Variants in KIAA0232 observed in about 807,000 individuals in gnomAD.
KIAA0232 encodes the protein KIAA0232.
KIAA0232 carries 27 observed loss-of-function variants against 122.0 expected under a neutral mutation model. The observed-to-expected ratio is 0.22, with a 90% CI of 0.16 to 0.31. KIAA0232 has a LOEUF of 0.31. Among genes scored for constraint, KIAA0232 ranks in the 10% least tolerant of loss-of-function variants. The pLI is 1.00. For missense variants in KIAA0232, 1,551 were observed against 1,634.2 expected (o/e 0.95, Z 0.88); for synonymous variants, 613 against 587.6 (o/e 1.04, Z -0.63).
At chr4:6,847,575 T>C (rs1720032457) in intron 4 of KIAA0232, among the ~76,000 whole-genome samples, 1 of 152,216 alleles carries the variant, frequency 6.6e-6, no homozygotes, top group Non-Finnish European at 1.5e-5. Context: ...TATTGGTTTT[T>C]AGGTCCCAGC....
At chr4:6,857,791 C>G (rs188232372) in intron 5 of KIAA0232, among the ~76,000 whole-genome samples, 139 of 152,196 alleles carry the variant, frequency 9.1e-4, no homozygotes, top group Non-Finnish European at 1.6e-3. Flanking sequence ...GTTTGCAATC[C>G]CTAAGAACGA....
intron 1 of KIAA0232, among the ~76,000 whole-genome samples, chr4:6,784,008 A>G (rs1716492896): frequency 6.6e-6 from 1 of 152,166 alleles, no homozygotes; most frequent in Non-Finnish European, 1.5e-5. Context: ...AACTCTTGGT[A>G]CAGACCCCTA....
chr4:6,879,498 C>T (rs1721939106), intron 9 of KIAA0232, among the ~76,000 whole-genome samples: 1 of 152,200 alleles, frequency 6.6e-6, no homozygotes, highest in Admixed American at 6.5e-5. Context: ...CTGCCTTTGA[C>T]CTCATCTGTC....
chr4:6,791,738 G>A (rs1430300442), intron 1 of KIAA0232, among the ~76,000 whole-genome samples: 1 of 152,102 alleles, frequency 6.6e-6, no homozygotes, highest in Non-Finnish European at 1.5e-5. Flanking sequence ...ATGGAATCAT[G>A]GTAAAGAGTG....
At position 6,884,010 on chromosome 4, in the gene KIAA0232, TTTAACA is replaced by T. The variant is rs1362000545; in HGVS notation, c.*3045_*3050del. 1 of 152,226 alleles carries T rather than the reference TTTAACA, an allele frequency of 6.6e-6. No homozygotes were observed. Among genetic ancestry groups the T allele is most frequent in the Non-Finnish European group, 1.5e-5 (1 of 68,042 alleles). 9.4% of individuals were successfully genotyped at this position (152,226 alleles called of 1,614,324 possible). A position where few individuals can be genotyped will look rare whatever the true frequency, so the allele number is the denominator to read the frequency against. ...TATTTTTATAGCTGTATTATGTAGA[TTTAACA>T]GGTTCCTCATTGATAAAACAATGTT... is the stretch of plus-strand genomic sequence containing the variant. On this transcript the variant is annotated 3_prime_UTR_variant, in exon 10 of 10. Coordinates refer to ENST00000307659, the MANE Select transcript of KIAA0232 (RefSeq NM_014743.3).
At chr4:6,799,494 G>A (rs1185220817) in intron 1 of KIAA0232, among the ~76,000 whole-genome samples, 1 of 151,692 alleles carries the variant, frequency 6.6e-6, no homozygotes, top group Non-Finnish European at 1.5e-5. Context: ...TTACATTAAA[G>A]CTAGGTCTGT....
rs1016643266 is a variant in KIAA0232, at chr4:6,883,271, C to T, written c.*2305C>T. ...ATTCCTGGGCTGAGATTGTTTTTCCCGTGGTTGTATTGTTCTGATTTCACG... is the reference window on the plus strand; with the variant it reads ...ATTCCTGGGCTGAGATTGTTTTTCCTGTGGTTGTATTGTTCTGATTTCACG... On this transcript the variant is annotated 3_prime_UTR_variant, in exon 10 of 10. Transcript: ENST00000307659. 1 of 152,588 alleles carries T rather than the reference C, an allele frequency of 6.6e-6. No homozygotes were observed. The highest frequency in any genetic ancestry group is 1.5e-5 in the Non-Finnish European group (1 of 68,026). 9.5% of individuals were successfully genotyped at this position (152,588 alleles called of 1,614,324 possible).
At chr4:6,803,692 A>G (rs1577359929) in intron 1 of KIAA0232, among the ~76,000 whole-genome samples, 1 of 152,222 alleles carries the variant, frequency 6.6e-6, no homozygotes, top group African/African-American at 2.4e-5. Context: ...CCAATTTTAT[A>G]TTTGACATGA....
rs1211269134 is a variant in KIAA0232, at chr4:6,824,653, A to G, written c.200A>G (p.His67Arg). The change falls in exon 3 of 10, where the codon CAT becomes CGT. Residue 67 changes from histidine to arginine, a missense_variant. Physicochemically the swap from His to Arg is conservative, Grantham distance 29 (BLOSUM62 0). Around this residue, in one of 5 missense-constraint regions of KIAA0232, gnomAD observed 26 missense variants for 52.2 expected, o/e 0.50. Coordinates refer to ENST00000307659, the MANE Select transcript of KIAA0232 (RefSeq NM_014743.3). Reference protein sequence around the residue: ...YTRYVLSLLLHDSYDYDLQEQ... With the variant: ...YTRYVLSLLLRDSYDYDLQEQ... ...CGGTATGTCCTCAGTCTTCTGCTGC[A>G]TGACAGCTATGACTACGACCTGCAG... 12 of 1,614,082 alleles carry G rather than the reference A, an allele frequency of 7.4e-6. No homozygotes were observed. The highest frequency in any genetic ancestry group is 1.0e-5 in the Non-Finnish European group (12 of 1,180,020).
intron 1 of KIAA0232, among the ~76,000 whole-genome samples, chr4:6,788,319 G>A (rs966999010): frequency 2.0e-5 from 3 of 152,138 alleles, no homozygotes; most frequent in Admixed American, 1.3e-4. Context: ...CGCCCAGCCT[G>A]CATCTCTTCT....
chr4:6,846,559 G>C (rs1470232433), intron 4 of KIAA0232, among the ~76,000 whole-genome samples: 1 of 151,802 alleles, frequency 6.6e-6, no homozygotes, highest in African/African-American at 2.4e-5. Flanking sequence ...CTACCTGCTT[G>C]GTCTGTGGAA....
chr4:6,857,792 C>T (rs1179912232), intron 5 of KIAA0232, among the ~76,000 whole-genome samples: 5 of 152,296 alleles, frequency 3.3e-5, no homozygotes, highest in Non-Finnish European at 7.3e-5. Flanking sequence ...TTTGCAATCC[C>T]TAAGAACGAG....
At position 6,862,808 on chromosome 4, in the gene KIAA0232, A is replaced by C. The variant is rs1207611147; in HGVS notation, c.2426A>C (p.Gln809Pro). The change falls in exon 7 of 10, where the codon CAA becomes CCA. Residue 809 changes from glutamine (Q) to proline (P), a missense_variant. Gln to Pro is a moderately conservative substitution (Grantham distance 76, BLOSUM62 -1). Transcript: ENST00000307659. ...KTENKNFETT[Q>P]VCNESPHGDG... ...GAAAACAAAAATTTTGAAACTACAC[A>C]AGTATGTAATGAAAGTCCACATGGA... The C allele has an allele frequency of 1.2e-6, 2 of 1,614,172 alleles. No homozygotes were observed. Among genetic ancestry groups the C allele is most frequent in the South Asian group, 2.2e-5 (2 of 91,074 alleles).
chr4:6,814,524 T>G (rs1434670352), intron 2 of KIAA0232, among the ~76,000 whole-genome samples: 1 of 152,168 alleles, frequency 6.6e-6, no homozygotes, highest in Admixed American at 6.5e-5. Context: ...AGTGTGGTAG[T>G]CTTTAACAAT....
intron 4 of KIAA0232, among the ~76,000 whole-genome samples, 160 bp from the exon 5 acceptor site, chr4:6,857,004 C>T (rs1720602594): frequency 6.6e-6 from 1 of 152,154 alleles, no homozygotes; most frequent in Non-Finnish European, 1.5e-5. Flanking sequence ...TATCTACAAA[C>T]CTATAATTTT....
intron 2 of KIAA0232, among the ~76,000 whole-genome samples, chr4:6,819,375 T>C (rs2109012400): frequency 6.6e-6 from 1 of 151,936 alleles, no homozygotes; most frequent in Middle Eastern, 3.4e-3. Context: ...ACAGGTCCAA[T>C]ATCCAGAATC....
intron 2 of KIAA0232, among the ~76,000 whole-genome samples, chr4:6,822,474 TATTAA>T (rs1203231990): frequency 2.0e-5 from 3 of 152,212 alleles, no homozygotes; most frequent in Admixed American, 1.3e-4. Context: ...TACTAACATT[TATTAA>T]CAATACTTTG....
intron 4 of KIAA0232, among the ~76,000 whole-genome samples, chr4:6,843,143 C>G (rs936025078): frequency 6.6e-6 from 1 of 152,096 alleles, no homozygotes; most frequent in Admixed American, 6.5e-5. Context: ...TAAAAAATAT[C>G]TTTTGCAGTT....
chr4:6,844,529 GGGTTCAAGCGATTCTC>G (rs1719852589), intron 4 of KIAA0232, among the ~76,000 whole-genome samples: 1 of 151,670 alleles, frequency 6.6e-6, no homozygotes, highest in African/African-American at 2.4e-5. Context: ...GCAACCTCCT[GGGTTCAAGCGATTCTC>G]CTGCCTCAGC....
Sources: gnomAD v4.1 joint callset for allele counts (sites outside exome capture counted in the v4.1 genomes callset) on GRCh38, gnomAD v4.1.1 for gene constraint, gnomAD v4.1.1 regional missense constraint, MANE v1.5 for transcripts, NCBI Gene and HGNC (gene_info 2026-07-23, HGNC 2026-07-21) for gene names.